Variants in RIDA observed in about 807,000 individuals in gnomAD.
RIDA encodes 2-iminobutanoate/2-iminopropanoate deaminase.
RIDA carries 17 observed loss-of-function variants against 17.8 expected under a neutral mutation model. The observed-to-expected ratio is 0.96, with a 90% CI of 0.65 to 1.43. The LOEUF (loss-of-function observed/expected upper bound fraction) is 1.43. Ranked by LOEUF, RIDA falls within the 40% of genes most tolerant of loss-of-function variation. The probability of loss-of-function intolerance (pLI) is 0.00; values close to 1 mark genes in which losing one functional copy is unlikely to be tolerated. For synonymous variants in RIDA, 48 were observed against 55.7 expected, an observed-to-expected ratio of 0.86 and a Z score of 0.62; for missense variants, 158 against 161.7, an observed-to-expected ratio of 0.98 and a Z score of 0.12.
At chr8:98,112,630 C>T (rs919203660) in intron 1 of RIDA, among the ~76,000 whole-genome samples, 3 of 152,224 alleles carry the variant, frequency 2.0e-5, no homozygotes, top group African/African-American at 7.2e-5. Context: ...TCTCAACTAT[C>T]TGGCTTTCAT....
At chr8:98,109,536 A>G (rs1363591589) in intron 1 of RIDA, among the ~76,000 whole-genome samples, 6 of 152,204 alleles carry the variant, frequency 3.9e-5, no homozygotes, top group Non-Finnish European at 8.8e-5. Flanking sequence ...TGGTACAGCC[A>G]CTTTAGAAAA....
chr8:98,107,352 G>A (rs1414669520), intron 2 of RIDA, among the ~76,000 whole-genome samples: 3 of 152,046 alleles, frequency 2.0e-5, no homozygotes, highest in African/African-American at 4.8e-5. Context: ...GTAAAACCCC[G>A]TCTCTACTAA....
intron 4 of RIDA, among the ~76,000 whole-genome samples, chr8:98,104,910 C>T (rs1815611915): frequency 6.6e-6 from 1 of 151,810 alleles, no homozygotes; most frequent in Non-Finnish European, 1.5e-5. Context: ...GGGGCTTCAC[C>T]ATGTTGGCCA....
chr8:98,117,128 GAGA>G lies in RIDA; in HGVS notation c.-35_-33del, dbSNP rs767964792. The G allele has an allele frequency of 6.0e-5, 97 of 1,606,198 alleles. No individual in the cohort carries two copies. Among genetic ancestry groups the G allele is most frequent in the Non-Finnish European group, 8.0e-5 (94 of 1,172,904 alleles). On this transcript the variant is annotated 5_prime_UTR_variant, in exon 1 of 6. Transcript: ENST00000254878. ...GCCTTCCCTCTTGCAGCCCCTTCAG[GAGA>G]AGAAGCCCCAGCACCAGCCCTGCTG... is the stretch of plus-strand genomic sequence containing the variant.
At chr8:98,116,573 G>C (rs1815830813) in intron 1 of RIDA, among the ~76,000 whole-genome samples, 1 of 152,272 alleles carries the variant, frequency 6.6e-6, no homozygotes, top group African/African-American at 2.4e-5. Flanking sequence ...AATGCTAATG[G>C]GGATGGGATT....
At chr8:98,116,638 TGTGA>T (rs756319414) in intron 1 of RIDA, among the ~76,000 whole-genome samples, 2 of 152,164 alleles carry the variant, frequency 1.3e-5, no homozygotes, top group African/African-American at 4.8e-5. Context: ...TGCACAACTC[TGTGA>T]GTATGGTCAA....
At position 98,105,830 on chromosome 8, in the gene RIDA, T is replaced by C. The variant is rs746154303; in HGVS notation, c.295+108A>G. On this transcript the variant is annotated intron_variant, in intron 4 of 5. Transcript: ENST00000254878. Reference sequence around the variant, plus strand: ...TTAATTCTTTTAAGATCTATGACCATTTCTTTAGCATCTCCTACCACTCTT... The same window carrying C: ...TTAATTCTTTTAAGATCTATGACCACTTCTTTAGCATCTCCTACCACTCTT... 3 of 680,364 alleles carry C rather than the reference T, an allele frequency of 4.4e-6. No homozygotes were observed. The African/African-American group carries it at 5.3e-5, about 12-fold the overall frequency. 42.1% of individuals were successfully genotyped at this position (680,364 alleles called of 1,614,324 possible). A position where few individuals can be genotyped will look rare whatever the true frequency, so the allele number is the denominator to read the frequency against.
At chr8:98,114,009 C>T (rs1204869944) in intron 1 of RIDA, among the ~76,000 whole-genome samples, 1 of 152,168 alleles carries the variant, frequency 6.6e-6, no homozygotes, top group African/African-American at 2.4e-5. Flanking sequence ...GCCTGGGCAA[C>T]ATGGTAAAAC....
intron 4 of RIDA, among the ~76,000 whole-genome samples, chr8:98,105,718 G>T (rs1194642177): frequency 6.6e-6 from 1 of 152,096 alleles, no homozygotes; most frequent in Admixed American, 6.5e-5. Flanking sequence ...GGATATGTAG[G>T]ATTTCAGTAT....
rs565539817 is a variant in RIDA at position 98,111,233 on chromosome 8, T to G, written c.66-2482A>C. 2.3e-4 allele frequency among the ~76,000 whole-genome samples: 35 copies of G among 152,310 alleles called. 2 individuals carry two copies. Among genetic ancestry groups the G allele is most frequent in the African/African-American group, 8.2e-4 (34 of 41,566 alleles). ...CAAACAAGTCTACTTTTTATAGGAA[T>G]GATATTAATTTTGGGATGAAGAAAG... On this transcript the variant is annotated intron_variant, in intron 1 of 5. Transcript: ENST00000254878.
intron 2 of RIDA, 24 bp from the exon 3 acceptor site, chr8:98,106,350 C>G (rs1168002506): frequency 5.6e-6 from 9 of 1,596,490 alleles, no homozygotes; most frequent in Non-Finnish European, 7.7e-6. Context: ...CAAGAAAGGC[C>G]TAAGTCACTG....
At chr8:98,115,144 T>C (rs1216964867) in intron 1 of RIDA, among the ~76,000 whole-genome samples, 1 of 151,984 alleles carries the variant, frequency 6.6e-6, no homozygotes, top group Non-Finnish European at 1.5e-5. Flanking sequence ...TCCGAGTACT[T>C]TGGGAAGCCG....
At position 98,113,097 on chromosome 8, in the gene RIDA, A is replaced by G. The variant is rs987351535; in HGVS notation, c.65+3935T>C. Among the ~76,000 whole-genome samples, 6 of 152,232 alleles carry G rather than the reference A, an allele frequency of 3.9e-5. No individual in the cohort carries two copies. The East Asian group carries it at 7.7e-4, about 20-fold the overall frequency. ...TAATCACACTTTCAAAAGCATTCTA[A>G]TAATTCTCACATCATAGTCTATACC... On this transcript the variant is annotated intron_variant, in intron 1 of 5. Coordinates refer to ENST00000254878, the MANE Select transcript of RIDA (RefSeq NM_005836.3).
Position 98,117,152 on chromosome 8 carries a change from T to A in RIDA, c.-56A>T. 6.5e-7 allele frequency: 1 copy of A among 1,533,376 alleles called. No homozygotes were observed. The highest frequency in any genetic ancestry group is 9.0e-7 in the Non-Finnish European group (1 of 1,106,392). The allele number at this position is 1,533,376 out of a possible 1,614,324, so 95.0% of individuals were successfully genotyped here. ...GGAGAAGAAGCCCCAGCACCAGCCC[T>A]GCTGGCTTCTTACTGGACTGACCAA... On this transcript the variant is annotated 5_prime_UTR_variant, in exon 1 of 6. Transcript: ENST00000254878.
chr8:98,115,181 AG>A (rs1357199382), intron 1 of RIDA, among the ~76,000 whole-genome samples: 5 of 152,042 alleles, frequency 3.3e-5, no homozygotes, highest in African/African-American at 4.8e-5. Context: ...TTAGGTCAGG[AG>A]TTCAATACCA....
Position 98,108,683 on chromosome 8 carries a change from TGTCCACTTGAAGG to T in RIDA, c.121_133del (p.Pro41SerfsTer7). The T allele has an allele frequency of 6.2e-7, 1 of 1,613,806 alleles. No homozygotes were observed. The highest frequency in any genetic ancestry group is 8.5e-7 in the Non-Finnish European group (1 of 1,179,698). On this transcript the variant is annotated frameshift_variant, in exon 2 of 6. Transcript: ENST00000254878. LOFTEE classifies it high-confidence loss of function. ...TTCTGCTACCCCTCCTGACACAAGC[TGTCCACTTGAAGG>T]GTCCATGCCTATCTGTCCTGAAATG... is the stretch of plus-strand genomic sequence containing the variant.
intron 4 of RIDA, 77 bp from the exon 5 acceptor site, chr8:98,104,621 G>A: frequency 1.2e-6 from 1 of 835,172 alleles, no homozygotes. Flanking sequence ...TTTTATTTTA[G>A]TTTTCAGATA....
At chr8:98,109,564 T>C (rs2447501) in intron 1 of RIDA, among the ~76,000 whole-genome samples, 23,078 of 152,134 alleles carry the variant, frequency 0.15, 2,131 homozygotes, top group East Asian at 0.36. Flanking sequence ...GCAGTTTCTT[T>C]AAAAATTTAA....
chr8:98,116,947 G>A (rs1815845751), intron 1 of RIDA, 85 bp downstream of exon 1: 1 of 1,086,766 alleles, frequency 9.2e-7, no homozygotes, highest in Non-Finnish European at 1.4e-6. Flanking sequence ...CGTGTTAGCT[G>A]GGGCTCCGGC....
Sources: allele counts gnomAD v4.1 joint callset (sites outside exome capture counted in the v4.1 genomes callset), GRCh38; gene constraint gnomAD v4.1.1; transcripts MANE v1.5; gene names NCBI Gene and HGNC (gene_info 2026-07-23, HGNC 2026-07-21).